MAK: variants seen among roughly 807,000 people sequenced by gnomAD.
The protein encoded by MAK is male germ cell associated kinase.
A neutral mutation model predicts 82.6 loss-of-function variants in MAK; 65 were observed. The ratio of observed to expected loss-of-function variants is 0.79; its 90% CI spans 0.64 to 0.97. The LOEUF is 0.97. Ranked by LOEUF, MAK falls within the 50% of genes least tolerant of loss-of-function variation. The pLI, the probability that MAK is intolerant of heterozygous loss-of-function variation, is 0.00. For synonymous variants in MAK, 250 were observed against 274.2 expected (o/e 0.91, Z 0.87); for missense variants, 703 against 780.2 (o/e 0.90, Z 1.18).
In MAK at chr6:10,791,680, T is replaced by C. The variant is rs775091188; in HGVS notation, c.1311A>G (p.Pro437=). ...VFKEKRKKDS[P]FRLPEPVPSG... Reference sequence around the variant, plus strand: ...TGAGGAATTTGAAATCTTACCGAAATGGAGAATCTTTTTTCCTTTTTTCTT... The same window carrying C: ...TGAGGAATTTGAAATCTTACCGAAACGGAGAATCTTTTTTCCTTTTTTCTT... The change falls in exon 10 of 15, where the codon CCA becomes CCG. Residue 437 remains proline (P), a synonymous_variant. Transcript: ENST00000354489. The C allele has an allele frequency of 1.9e-6, 3 of 1,612,524 alleles. No homozygotes were observed. Among genetic ancestry groups the C allele is most frequent in the Admixed American group, 1.7e-5 (1 of 59,948 alleles).
intron 5 of MAK, among the ~76,000 whole-genome samples, chr6:10,812,094 GGAGGCT>G (rs1776981629): frequency 1.3e-5 from 2 of 152,202 alleles, no homozygotes; most frequent in South Asian, 4.1e-4. Context: ...CAGCTACTAG[GGAGGCT>G]GAGGTGGGAG....
intron 2 of MAK, among the ~76,000 whole-genome samples, chr6:10,821,306 C>T (rs1452273945): frequency 2.0e-5 from 3 of 151,508 alleles, no homozygotes; most frequent in African/African-American, 2.4e-5. Flanking sequence ...GATGGAGCCT[C>T]GCTCTGTCAC....
At chr6:10,777,888 T>A (rs1773602302) in intron 11 of MAK, among the ~76,000 whole-genome samples, 1 of 152,232 alleles carries the variant, frequency 6.6e-6, no homozygotes. Flanking sequence ...TCCGCCTGCC[T>A]CAGCCTCCCA....
At chr6:10,781,643 C>T (rs926820301) in intron 11 of MAK, among the ~76,000 whole-genome samples, 3 of 151,974 alleles carry the variant, frequency 2.0e-5, no homozygotes, top group Admixed American at 6.6e-5. Context: ...AGGCTAGTCT[C>T]GAACTCCTGA....
intron 10 of MAK, among the ~76,000 whole-genome samples, chr6:10,785,263 C>G (rs1774436826): frequency 1.3e-5 from 2 of 152,062 alleles, no homozygotes; most frequent in African/African-American, 2.4e-5. Flanking sequence ...AGGCCTGTCC[C>G]TGAGGCCTGT....
intron 8 of MAK, 44 bp downstream of exon 8, chr6:10,801,848 A>G: frequency 1.3e-6 from 2 of 1,593,990 alleles, no homozygotes; most frequent in Admixed American, 1.7e-5. Flanking sequence ...TGATATTACA[A>G]AACCTAAACA....
In MAK at chr6:10,830,631, G is replaced by A. The variant is rs1225921005; in HGVS notation, c.18C>T (p.Thr6=). 6.2e-7 allele frequency: 1 copy of A among 1,613,784 alleles called. No individual in the cohort carries two copies. Among genetic ancestry groups the A allele is most frequent in the Admixed American group, 1.7e-5 (1 of 60,008 alleles). ...ACGTGCCGTCCCCCAACTGTCTCATGGTTGTGTATCGGTTCATCTTGGAAA... is the reference window on the plus strand; with the variant it reads ...ACGTGCCGTCCCCCAACTGTCTCATAGTTGTGTATCGGTTCATCTTGGAAA... MNRYT[T]MRQLGDGTYG... is the part of the protein sequence containing the mutation. Residue 6 remains threonine (T), a synonymous_variant, in exon 2 of 15, where the codon ACC becomes ACT. Transcript: ENST00000354489.
intron 6 of MAK, 145 bp downstream of exon 6, chr6:10,808,665 A>G (rs1037995611): frequency 3.6e-5 from 31 of 852,070 alleles, no homozygotes; most frequent in Middle Eastern, 6.1e-4. Flanking sequence ...CAATAAACCA[A>G]TCCTTCGCTT....
intron 1 of MAK, among the ~76,000 whole-genome samples, chr6:10,834,973 G>A (rs972868662): frequency 9.9e-5 from 15 of 152,262 alleles, no homozygotes; most frequent in South Asian, 2.1e-4. Flanking sequence ...CTCAGCTGGC[G>A]CTGTGGGCAT....
chr6:10,771,161 T>C (rs941101289), intron 13 of MAK, among the ~76,000 whole-genome samples: 2 of 151,954 alleles, frequency 1.3e-5, no homozygotes, highest in Admixed American at 1.3e-4. Context: ...TACAGAGTTG[T>C]GGGCTGAAGG....
rs1773369108 is a variant in MAK at position 10,775,315 on chromosome 6, A to G, written c.1597+13T>C. 6.2e-7 allele frequency: 1 copy of G among 1,612,006 alleles called. No homozygotes were observed. On this transcript the variant is annotated intron_variant, in intron 12 of 14. Coordinates refer to ENST00000354489, the MANE Select transcript of MAK (RefSeq NM_001242957.3). The stretch of plus-strand genomic sequence containing the variant: ...AAAACCCCGTACATGTACATTTTGT[A>G]TTCTTGCGTTACCTGCATTGCTCCT...
intron 9 of MAK, among the ~76,000 whole-genome samples, chr6:10,795,570 C>T (rs1366038822): frequency 1.3e-5 from 2 of 152,090 alleles, no homozygotes; most frequent in African/African-American, 4.8e-5. Flanking sequence ...TGGTGAAACC[C>T]CATCTCTACT....
At chr6:10,836,604 A>T (rs1779162820) in intron 1 of MAK, among the ~76,000 whole-genome samples, 1 of 152,212 alleles carries the variant, frequency 6.6e-6, no homozygotes, top group Admixed American at 6.5e-5. Flanking sequence ...TCTCCAGTTC[A>T]CGCACAATAA....
intron 2 of MAK, among the ~76,000 whole-genome samples, chr6:10,828,386 T>A (rs1003476243): frequency 6.6e-5 from 10 of 152,260 alleles, no homozygotes; most frequent in South Asian, 2.1e-4. Context: ...GAGGTGCCTC[T>A]TGCCAACAGC....
intron 2 of MAK, among the ~76,000 whole-genome samples, chr6:10,828,675 G>T (rs75855931): frequency 0.026 from 4,012 of 152,174 alleles, 168 homozygotes; most frequent in African/African-American, 0.087. Flanking sequence ...CACGCCTACA[G>T]TCCCAACTAC....
chr6:10,784,736 A>G (rs1218843743), intron 10 of MAK, 164 bp from the exon 11 acceptor site: 1 of 702,136 alleles, frequency 1.4e-6, no homozygotes, highest in Non-Finnish European at 2.6e-6. Context: ...CTTCCCCTCC[A>G]CCCGCGTAGA....
In MAK at chr6:10,764,600, G is replaced by A; in HGVS notation, c.1799C>T (p.Thr600Ile). 1 of 1,613,720 alleles carries A rather than the reference G, an allele frequency of 6.2e-7. No individual in the cohort carries two copies. ...APLNATASEY[T>I]WNTKTGRGQF... ...CCCCCGACCAGTTTTTGTGTTCCAGGTATATTCTGAAAGAAATCAGATTTG... is the reference window on the plus strand; with the variant it reads ...CCCCCGACCAGTTTTTGTGTTCCAGATATATTCTGAAAGAAATCAGATTTG... The change falls in exon 15 of 15, where the codon ACC (threonine) becomes ATC (isoleucine). Residue 600 changes from threonine (T) to isoleucine (I), a missense_variant. Thr to Ile is a moderately conservative substitution (Grantham distance 89, BLOSUM62 -1). Coordinates refer to ENST00000354489, the MANE Select transcript of MAK (RefSeq NM_001242957.3).
intron 10 of MAK, chr6:10,784,924 A>G (rs1015404400): frequency 2.1e-6 from 1 of 480,558 alleles, no homozygotes; most frequent in African/African-American, 1.9e-5. Flanking sequence ...TCACCTGTTG[A>G]CTAAAATAAT....
At position 10,770,105 on chromosome 6, in the gene MAK, TCCTA is replaced by T; in HGVS notation, c.1792+2_1792+5del. The stretch of plus-strand genomic sequence containing the variant: ...TCTAGAAAACTGTATCTGAAGTTGT[TCCTA>T]CCTGAAGCCGTTGCATTGAGAGGTG... On this transcript the variant is annotated splice_donor_variant and splice_donor_5th_base_variant and intron_variant, in intron 14 of 14. Coordinates refer to ENST00000354489, the MANE Select transcript of MAK (RefSeq NM_001242957.3). LOFTEE classifies it high-confidence loss of function. 1 of 1,614,202 alleles carries T rather than the reference TCCTA, an allele frequency of 6.2e-7. No homozygotes were observed. The highest frequency in any genetic ancestry group is 8.5e-7 in the Non-Finnish European group (1 of 1,180,024).
Sources: allele counts gnomAD v4.1 joint callset (sites outside exome capture counted in the v4.1 genomes callset), GRCh38; gene constraint gnomAD v4.1.1; transcripts MANE v1.5; gene names NCBI Gene and HGNC (gene_info 2026-07-23, HGNC 2026-07-21).